JAK1: variants seen among roughly 807,000 people sequenced by gnomAD.
JAK1 encodes Janus kinase 1.
JAK1 carries 16 observed loss-of-function variants against 136.6 expected under a neutral mutation model. The observed-to-expected ratio is 0.12, with a 90% CI of 0.08 to 0.18. The LOEUF is 0.18. Ranked by LOEUF, JAK1 falls within the 10% of genes least tolerant of loss-of-function variation. The pLI, the probability that JAK1 is intolerant of heterozygous loss-of-function variation, is 1.00. For missense variants in JAK1, 859 were observed against 1,450.1 expected (o/e 0.59, Z 6.62); for synonymous variants, 492 against 519.5 (o/e 0.95, Z 0.72).
At chr1:64,890,422 G>C (rs1357427234) in intron 1 of JAK1, among the ~76,000 whole-genome samples, 2 of 152,154 alleles carry the variant, frequency 1.3e-5, no homozygotes, top group African/African-American at 4.8e-5. Flanking sequence ...CTCTATACTA[G>C]CAAGTGTGAC....
intron 2 of JAK1, among the ~76,000 whole-genome samples, chr1:64,999,590 C>T (rs1205231087): frequency 6.6e-6 from 1 of 152,072 alleles, no homozygotes; most frequent in Non-Finnish European, 1.5e-5. Flanking sequence ...AAAAAATTAA[C>T]TGGGTGTGGT....
At chr1:65,016,269 C>G (rs1281031792) in intron 2 of JAK1, among the ~76,000 whole-genome samples, 1 of 152,078 alleles carries the variant, frequency 6.6e-6, no homozygotes, top group Non-Finnish European at 1.5e-5. Flanking sequence ...AAGTAGATAG[C>G]GATGGTAGTT....
At chr1:64,914,710 T>C (rs2100317463) in intron 1 of JAK1, among the ~76,000 whole-genome samples, 1 of 152,210 alleles carries the variant, frequency 6.6e-6, no homozygotes, top group East Asian at 1.9e-4. Flanking sequence ...ATTACAGGTG[T>C]GCACCACCAT....
chr1:65,054,543 T>C (rs1326767281), intron 1 of JAK1, among the ~76,000 whole-genome samples: 1 of 152,126 alleles, frequency 6.6e-6, no homozygotes, highest in Non-Finnish European at 1.5e-5. Context: ...TCCCTTCTTA[T>C]GAGTTCTTCC....
At chr1:65,065,375 A>G (rs1403995434) in intron 1 of JAK1, among the ~76,000 whole-genome samples, 4 of 152,098 alleles carry the variant, frequency 2.6e-5, no homozygotes, top group Non-Finnish European at 4.4e-5. Flanking sequence ...AGATTTACAT[A>G]TTTTACATGC....
chr1:64,968,235 G>C (rs1202573728), upstream of JAK1, among the ~76,000 whole-genome samples: 2 of 152,138 alleles, frequency 1.3e-5, no homozygotes, highest in Non-Finnish European at 2.9e-5. Context: ...AGAGGGCCTG[G>C]ATTCAGTTTA....
At chr1:64,943,432 T>C (rs558113978) in intron 1 of JAK1, among the ~76,000 whole-genome samples, 2 of 152,310 alleles carry the variant, frequency 1.3e-5, no homozygotes, top group South Asian at 2.1e-4. Context: ...AATTTTCGAA[T>C]GTGTTAAAAA....
At chr1:64,928,808 A>AAAAAAAAAAAAAAAAAAAAAAAAAAAT in intron 1 of JAK1, among the ~76,000 whole-genome samples, 1 of 143,058 alleles carries the variant, frequency 7.0e-6, no homozygotes, top group African/African-American at 2.7e-5. Context: ...AAAAAAAAAA[A>AAAAAAAAAAAAAAAAAAAAAAAAAAAT]ACTCTGCAAA....
At chr1:64,964,020 T>TA (rs1327000356) in intron 1 of JAK1, among the ~76,000 whole-genome samples, 1 of 152,092 alleles carries the variant, frequency 6.6e-6, no homozygotes, top group African/African-American at 2.4e-5. Flanking sequence ...CTTACTAGTC[T>TA]AAAAAAATCT....
rs1317662410 is a variant in JAK1 at position 64,860,087 on chromosome 1, T to A, written c.1334+18A>T. 2.6e-5 allele frequency: 39 copies of A among 1,495,130 alleles called. No homozygotes were observed. The highest frequency in any genetic ancestry group is 3.2e-5 in the Non-Finnish European group (36 of 1,109,812). The allele number at this position is 1,495,130 out of a possible 1,614,324, so 92.6% of individuals were successfully genotyped here. A position where few individuals can be genotyped will look rare whatever the true frequency, so the allele number is the denominator to read the frequency against. On this transcript the variant is annotated intron_variant, in intron 9 of 24. Transcript: ENST00000342505. ...CTCTCTGCACACCAAAGGCAACTGA[T>A]AAGGTTCTAGGACCAACCAGATTGG...
intron 9 of JAK1, among the ~76,000 whole-genome samples, chr1:64,858,700 T>C (rs1656101075): frequency 6.6e-6 from 1 of 152,178 alleles, no homozygotes; most frequent in Non-Finnish European, 1.5e-5. Flanking sequence ...TTTGGGAAGC[T>C]CATATTCTGG....
At chr1:64,837,066 C>G (rs921913697) in intron 22 of JAK1, among the ~76,000 whole-genome samples, 18 of 152,198 alleles carry the variant, frequency 1.2e-4, no homozygotes, top group Non-Finnish European at 2.2e-4. Context: ...TAGCAACCGT[C>G]TGTCTAAACC....
At chr1:65,050,602 T>G (rs1312666906) in intron 1 of JAK1, among the ~76,000 whole-genome samples, 1 of 152,154 alleles carries the variant, frequency 6.6e-6, no homozygotes. Flanking sequence ...CACTAGAGTG[T>G]TTTAAACCAG....
intron 1 of JAK1, among the ~76,000 whole-genome samples, chr1:64,893,693 T>C (rs900432004): frequency 6.6e-6 from 1 of 152,178 alleles, no homozygotes; most frequent in African/African-American, 2.4e-5. Flanking sequence ...TTAAAAAGCT[T>C]AAAACTGAAA....
upstream of JAK1, among the ~76,000 whole-genome samples, chr1:64,968,799 G>A (rs1646422872): frequency 6.6e-6 from 1 of 152,180 alleles, no homozygotes; most frequent in African/African-American, 2.4e-5. Context: ...GGACGTGGTG[G>A]CGGGAACCTG....
chr1:64,925,978 G>A (rs1244346233), intron 1 of JAK1, among the ~76,000 whole-genome samples: 3 of 152,106 alleles, frequency 2.0e-5, no homozygotes, highest in Non-Finnish European at 2.9e-5. Flanking sequence ...AGGTGGGCAG[G>A]CTCCTTTAGG....
At chr1:65,028,188 T>C (rs902667612) in intron 2 of JAK1, among the ~76,000 whole-genome samples, 1 of 152,154 alleles carries the variant, frequency 6.6e-6, no homozygotes, top group Non-Finnish European at 1.5e-5. Flanking sequence ...CCTTGAGGTC[T>C]CTGCTCATGT....
intron 1 of JAK1, among the ~76,000 whole-genome samples, chr1:64,935,668 A>G (rs1645776384): frequency 6.6e-6 from 1 of 152,226 alleles, no homozygotes; most frequent in Admixed American, 6.5e-5. Flanking sequence ...CTGAATGAGA[A>G]GTCTGGTCTT....
At chr1:64,913,687 G>GGAAGGAAGGAAGGAAGGAAGGAAA (rs1645333663) in intron 1 of JAK1, among the ~76,000 whole-genome samples, 1 of 33,030 alleles carries the variant, frequency 3.0e-5, no homozygotes, top group African/African-American at 7.9e-5. Flanking sequence ...AAGGAAGGAA[G>GGAAGGAAGGAAGGAAGGAAGGAAA]GAAGGAAGGA....
Sources: gnomAD v4.1 joint callset for allele counts (sites outside exome capture counted in the v4.1 genomes callset) on GRCh38, gnomAD v4.1.1 for gene constraint, MANE v1.5 for transcripts, NCBI Gene and HGNC (gene_info 2026-07-23, HGNC 2026-07-21) for gene names.